ERAP1: variants seen among roughly 807,000 people sequenced by gnomAD.
ERAP1 encodes adipocyte-derived leucine aminopeptidase.
A neutral mutation model predicts 103.7 loss-of-function variants in ERAP1; 86 were observed. The observed-to-expected ratio is 0.83, with a 90% CI of 0.70 to 0.99. The LOEUF (loss-of-function observed/expected upper bound fraction) is 0.99. ERAP1 is among the 50% of genes least tolerant of loss of function. The pLI is 0.00. For synonymous variants in ERAP1, 398 were observed against 402.4 expected (o/e 0.99, Z 0.13); for missense variants, 1,009 against 1,128.4 (o/e 0.89, Z 1.52).
the ERAP1 span, among the ~76,000 whole-genome samples, chr5:96,923,140 A>ATTTTTAT: frequency 6.6e-6 from 1 of 151,970 alleles, no homozygotes; most frequent in Admixed American, 6.6e-5. Flanking sequence ...TGGCTGTCTA[A>ATTTTTAT]TTTTTATTTT....
At chr5:96,889,121 A>T in the ERAP1 span, 1 of 1,598,406 alleles carries the variant, frequency 6.3e-7, no homozygotes, top group South Asian at 1.1e-5. Context: ...TGAGAGGGTT[A>T]TCAGGAATGG....
the ERAP1 span, chr5:96,883,983 C>T: frequency 1.1e-3 from 1,663 of 1,507,532 alleles, 3 homozygotes; most frequent in Non-Finnish European, 1.3e-3. Context: ...GAGACTCAGT[C>T]TTCGTTTGTT....
At chr5:96,873,986 GTCTC>G in the ERAP1 span, among the ~76,000 whole-genome samples, 2 of 151,924 alleles carry the variant, frequency 1.3e-5, no homozygotes, top group Non-Finnish European at 2.9e-5. Context: ...AACAAGGAGG[GTCTC>G]TCTGAGTAAG....
the ERAP1 span, among the ~76,000 whole-genome samples, chr5:96,834,674 TTGCTGAGTTTCTTCAA>T: frequency 6.6e-6 from 1 of 152,208 alleles, no homozygotes; most frequent in Non-Finnish European, 1.5e-5. Flanking sequence ...GTAGTGCAAT[TTGCTGAGTTTCTTCAA>T]TGAAGAAACA....
At chr5:96,865,063 A>G in the ERAP1 span, among the ~76,000 whole-genome samples, 1 of 152,144 alleles carries the variant, frequency 6.6e-6, no homozygotes, top group Admixed American at 6.6e-5. Flanking sequence ...AAATTTTTCT[A>G]TGGATTTTTA....
chr5:96,786,359 A>G lies in ERAP1; in HGVS notation c.1759+111T>C, dbSNP rs1168201274. 1.2e-5 allele frequency: 9 copies of G among 753,684 alleles called. No homozygotes were observed. The African/African-American group carries it at 1.2e-4, about 10-fold the overall frequency. 46.7% of individuals were successfully genotyped at this position (753,684 alleles called of 1,614,324 possible). A position where few individuals can be genotyped will look rare whatever the true frequency, so the allele number is the denominator to read the frequency against. On this transcript the variant is annotated intron_variant, in intron 12 of 18. Transcript: ENST00000443439. ...TCTTTGAAACCAGAAAGCATTTTCA[A>G]TCTGATCCCTTTTGCTTTAACCAAG...
At chr5:96,881,672 C>T in the ERAP1 span, among the ~76,000 whole-genome samples, 2 of 152,116 alleles carry the variant, frequency 1.3e-5, no homozygotes, top group Non-Finnish European at 2.9e-5. Flanking sequence ...CTCCTTCTGT[C>T]TTTCTGCTCA....
the ERAP1 span, chr5:96,896,530 A>C: frequency 1.3e-5 from 21 of 1,580,752 alleles, no homozygotes; most frequent in African/African-American, 3.2e-4. Flanking sequence ...TGCAGGTGGA[A>C]GCTCTGCTTT....
At chr5:96,910,501 T>C in the ERAP1 span, among the ~76,000 whole-genome samples, 1 of 152,166 alleles carries the variant, frequency 6.6e-6, no homozygotes, top group African/African-American at 2.4e-5. Context: ...TATTCTCTTC[T>C]TTTTGTTTCT....
the ERAP1 span, chr5:96,879,989 A>G: frequency 6.2e-7 from 1 of 1,614,190 alleles, no homozygotes; most frequent in Non-Finnish European, 8.5e-7. Flanking sequence ...AGTCTTGGTC[A>G]GCAATGCTAC....
chr5:96,904,923 C>T, the ERAP1 span, among the ~76,000 whole-genome samples: 1 of 152,122 alleles, frequency 6.6e-6, no homozygotes, highest in African/African-American at 2.4e-5. Flanking sequence ...ATGAAAATTT[C>T]AAGAAGATTT....
chr5:96,799,704 G>A (rs2150986597), intron 3 of ERAP1, among the ~76,000 whole-genome samples: 1 of 152,270 alleles, frequency 6.6e-6, no homozygotes, highest in Middle Eastern at 3.4e-3. Flanking sequence ...CACAATACTG[G>A]GGGAGAGGAC....
chr5:96,848,004 AC>A, the ERAP1 span, among the ~76,000 whole-genome samples: 993 of 118,308 alleles, frequency 8.4e-3, 12 homozygotes, highest in East Asian at 0.033. Context: ...GACTAGAAAA[AC>A]AAAAAAAAAA....
chr5:96,798,082 T>C (rs1777543764), intron 3 of ERAP1, among the ~76,000 whole-genome samples: 1 of 152,058 alleles, frequency 6.6e-6, no homozygotes, highest in Non-Finnish European at 1.5e-5. Flanking sequence ...TCCCAGCACT[T>C]TGGGAGGCCG....
At chr5:96,840,745 C>T in the ERAP1 span, among the ~76,000 whole-genome samples, 5 of 147,694 alleles carry the variant, frequency 3.4e-5, no homozygotes, top group Admixed American at 1.4e-4. Context: ...CTCGCTTTGT[C>T]GCCATACTGG....
At chr5:96,871,081 C>T in the ERAP1 span, among the ~76,000 whole-genome samples, 2 of 152,336 alleles carry the variant, frequency 1.3e-5, no homozygotes, top group Admixed American at 6.5e-5. Context: ...ACACACCGTT[C>T]GTCTCTTTCT....
At chr5:96,828,143 G>A in the ERAP1 span, among the ~76,000 whole-genome samples, 17 of 152,234 alleles carry the variant, frequency 1.1e-4, 1 homozygote, top group Admixed American at 3.3e-4. Flanking sequence ...CATTGAAAAC[G>A]TAGAGACCAT....
chr5:96,885,464 T>C, the ERAP1 span, among the ~76,000 whole-genome samples: 1 of 152,226 alleles, frequency 6.6e-6, no homozygotes, highest in Admixed American at 6.5e-5. Flanking sequence ...TATCAGTACC[T>C]TCCTCTTTAT....
At chr5:96,827,863 A>C in the ERAP1 span, among the ~76,000 whole-genome samples, 2 of 152,214 alleles carry the variant, frequency 1.3e-5, no homozygotes, top group African/African-American at 4.8e-5. Flanking sequence ...GTATTGGTTG[A>C]AACCCTGTGA....
Sources: allele counts gnomAD v4.1 joint callset (sites outside exome capture counted in the v4.1 genomes callset), GRCh38; gene constraint gnomAD v4.1.1; transcripts MANE v1.5; gene names NCBI Gene and HGNC (gene_info 2026-07-23, HGNC 2026-07-21).